PGAP6: variants seen among roughly 807,000 people sequenced by gnomAD.
PGAP6 encodes post-GPI attachment to proteins 6.
PGAP6 carries 62 observed loss-of-function variants against 68.4 expected under a neutral mutation model. The ratio of observed to expected loss-of-function variants is 0.91; its 90% CI spans 0.74 to 1.12. PGAP6 has a LOEUF of 1.12. Ranked by LOEUF, PGAP6 falls within the 50% of genes most tolerant of loss-of-function variation. PGAP6 has a pLI of 0.00. For missense variants in PGAP6, 1,188 were observed against 1,068.5 expected, an observed-to-expected ratio of 1.11 and a Z score of -1.56; for synonymous variants, 575 against 474.0, an observed-to-expected ratio of 1.21 and a Z score of -2.77.
intron 11 of PGAP6, 34 bp downstream of exon 11, chr16:373,971 C>G: frequency 6.4e-7 from 1 of 1,572,010 alleles, no homozygotes; most frequent in South Asian, 1.1e-5. Context: ...CCCTGCTCCC[C>G]CGGAGCCCAC....
upstream of PGAP6, among the ~76,000 whole-genome samples, chr16:385,243 G>A (rs932352959): frequency 2.0e-5 from 3 of 151,124 alleles, no homozygotes; most frequent in African/African-American, 7.3e-5. Flanking sequence ...AGAACTGCTT[G>A]TATTTGGAAA....
intron 11 of PGAP6, among the ~76,000 whole-genome samples, chr16:373,484 G>A (rs1380222899): frequency 1.2e-4 from 19 of 152,172 alleles, no homozygotes; most frequent in Non-Finnish European, 2.1e-4. Flanking sequence ...CAAACAGCTG[G>A]CACTGCCCCC....
At position 372,235 on chromosome 16, in the gene PGAP6, G is replaced by A. The variant is rs750775225; in HGVS notation, c.2068C>T (p.Arg690Cys). The A allele has an allele frequency of 5.6e-6, 9 of 1,612,170 alleles. No homozygotes were observed. The Admixed American group carries it at 8.3e-5, about 15-fold the overall frequency. Residue 690 changes from arginine to cysteine, a missense_variant, in exon 13 of 13, where the codon CGC becomes TGC. Arg to Cys is a radical substitution (Grantham distance 180). Coordinates refer to ENST00000431232, the MANE Select transcript of PGAP6 (RefSeq NM_021259.3). ...CCGGGCAGGAGGTAGAAGGCCCAGCGCTGCCACGAGGTGGGGTAGCACTGG... is the reference window on the plus strand; with the variant it reads ...CCGGGCAGGAGGTAGAAGGCCCAGCACTGCCACGAGGTGGGGTAGCACTGG... ...RRQCYPTSWQ[R>C]WAFYLLPGVS... is the part of the protein sequence containing the mutation.
In PGAP6 at chr16:376,820, G is replaced by A. The variant is rs750048118; in HGVS notation, c.636-8C>T. 40 of 1,602,734 alleles carry A rather than the reference G, an allele frequency of 2.5e-5. No individual in the cohort carries two copies. Among genetic ancestry groups the A allele is most frequent in the Admixed American group, 8.3e-5 (5 of 59,962 alleles). On this transcript the variant is annotated splice_region_variant and splice_polypyrimidine_tract_variant and intron_variant, in intron 4 of 12. Transcript: ENST00000431232. ...TAATCGGGGACAAAGACCCTGCAGC[G>A]AGGGGACACAGCTGGCTCAGGCTCT...
At chr16:374,979 G>A in intron 8 of PGAP6, 87 bp from the exon 9 acceptor site, 2 of 1,594,852 alleles carry the variant, frequency 1.3e-6, no homozygotes, top group South Asian at 2.3e-5. Flanking sequence ...ACAGACATGA[G>A]AACGCAGCAT....
chr16:376,044 G>A, intron 6 of PGAP6, 92 bp downstream of exon 6: 2 of 1,313,956 alleles, frequency 1.5e-6, no homozygotes, highest in East Asian at 2.5e-5. Context: ...TGTGCCGCCT[G>A]TCCCGTGCCA....
intron 9 of PGAP6, 104 bp downstream of exon 9, chr16:374,652 T>C (rs934125341): frequency 1.2e-5 from 17 of 1,464,772 alleles, no homozygotes; most frequent in Non-Finnish European, 1.5e-5. Flanking sequence ...TCTGCAAGGG[T>C]CTCTCTCCAG....
At chr16:374,956 T>A (rs2054368151) in intron 8 of PGAP6, 64 bp from the exon 9 acceptor site, 4 of 1,606,138 alleles carry the variant, frequency 2.5e-6, no homozygotes, top group Non-Finnish European at 3.4e-6. Context: ...CCACCAGCGC[T>A]CCCAACAGGC....
At chr16:376,052 C>T in intron 6 of PGAP6, 84 bp downstream of exon 6, 1 of 1,379,918 alleles carries the variant, frequency 7.2e-7, no homozygotes, top group Non-Finnish European at 9.7e-7. Flanking sequence ...CTGTCCCGTG[C>T]CAAGGTAAAT....
At position 381,732 on chromosome 16, in the gene PGAP6, C is replaced by A. The variant is rs1388727620; in HGVS notation, c.90G>T (p.Pro30=). The part of the protein sequence containing the change: ...PLLLLLLARP[P]PASAGYSGKS... ...TCCCGCTGTAGCCGGCGGAGGCAGG[C>A]GGGGGCCGGGCAAGCAGCAGCAGCA... Residue 30 remains proline, a synonymous_variant, in exon 1 of 13, where the codon CCG becomes CCT. Coordinates refer to ENST00000431232, the MANE Select transcript of PGAP6 (RefSeq NM_021259.3). 4.6e-5 allele frequency: 56 copies of A among 1,212,632 alleles called. No homozygotes were observed. Among genetic ancestry groups the A allele is most frequent in the Non-Finnish European group, 5.4e-5 (53 of 974,452 alleles). The allele number at this position is 1,212,632 out of a possible 1,614,324, so 75.1% of individuals were successfully genotyped here.
Position 376,588 on chromosome 16 carries a change from C to A in PGAP6, c.860G>T (p.Gly287Val). The change falls in exon 5 of 13, where the codon GGG becomes GTG. Residue 287 changes from glycine (G) to valine (V), a missense_variant. Gly to Val is a moderately radical substitution (Grantham distance 109). Coordinates refer to ENST00000431232, the MANE Select transcript of PGAP6 (RefSeq NM_021259.3). ...WLQVTAESLV[G>V]PLGTVAFSAV... Reference sequence around the variant, plus strand: ...ACTGAAAGCCACTGTCCCGAGGGGCCCCACCAGGCTCTCAGCTGTCACTTG... The same window carrying A: ...ACTGAAAGCCACTGTCCCGAGGGGCACCACCAGGCTCTCAGCTGTCACTTG... 6.3e-7 allele frequency: 1 copy of A among 1,578,082 alleles called. No homozygotes were observed. Among genetic ancestry groups the A allele is most frequent in the Non-Finnish European group, 8.6e-7 (1 of 1,161,794 alleles).
chr16:382,126 G>A (rs1262562509), upstream of PGAP6: 1 of 372,456 alleles, frequency 2.7e-6, no homozygotes, highest in South Asian at 1.3e-4. Flanking sequence ...GCGGGGGACG[G>A]ACCGGGGCGC....
chr16:372,761 C>A, intron 11 of PGAP6, 34 bp from the exon 12 acceptor site: 1 of 1,514,048 alleles, frequency 6.6e-7, no homozygotes, highest in South Asian at 1.2e-5. Flanking sequence ...GCAGGGACGT[C>A]TCTGAGGGCT....
At position 374,297 on chromosome 16, in the gene PGAP6, G is replaced by A. The variant is rs762388950; in HGVS notation, c.1679C>T (p.Ala560Val). The A allele has an allele frequency of 1.2e-6, 2 of 1,606,486 alleles. No individual in the cohort carries two copies. The highest frequency in any genetic ancestry group is 1.7e-5 in the Admixed American group (1 of 59,978). The change falls in exon 10 of 13, where the codon GCC (alanine) becomes GTC (valine). Residue 560 changes from alanine to valine, a missense_variant. Physicochemically the swap from Ala to Val is moderately conservative, Grantham distance 64. Coordinates refer to ENST00000431232, the MANE Select transcript of PGAP6 (RefSeq NM_021259.3). Reference protein sequence around the residue: ...LLTLSNLMFLAPIAVSVRRFF... With the variant: ...LLTLSNLMFLVPIAVSVRRFF... ...TCGCCGCACTGAGACGGCGATGGGGGCCAGGAACATGAGGTTGCTGAGCGT... is the reference window on the plus strand; with the variant it reads ...TCGCCGCACTGAGACGGCGATGGGGACCAGGAACATGAGGTTGCTGAGCGT...
At position 375,152 on chromosome 16, in the gene PGAP6, T is replaced by C; in HGVS notation, c.1420A>G (p.Met474Val). 1.2e-6 allele frequency: 2 copies of C among 1,613,378 alleles called. No homozygotes were observed. Among genetic ancestry groups the C allele is most frequent in the East Asian group, 2.2e-5 (1 of 44,880 alleles). The change falls in exon 8 of 13, where the codon ATG (methionine) becomes GTG (valine). Residue 474 changes from methionine to valine, a missense_variant. Physicochemically the swap from Met to Val is conservative, Grantham distance 21. Coordinates refer to ENST00000431232, the MANE Select transcript of PGAP6 (RefSeq NM_021259.3). Reference sequence around the variant, plus strand: ...ACTTACTCAGCATTCTCAGGGCACATGAGCTGCAGGGAGAGGTACCAGTTG... The same window carrying C: ...ACTTACTCAGCATTCTCAGGGCACACGAGCTGCAGGGAGAGGTACCAGTTG... ...TDNWYLSLQLMCPENAEDCEQ... is the reference protein window; with the variant it reads ...TDNWYLSLQLVCPENAEDCEQ...
intron 3 of PGAP6, 85 bp from the exon 4 acceptor site, chr16:377,249 A>T (rs1159656788): frequency 1.9e-5 from 30 of 1,599,314 alleles, no homozygotes; most frequent in Non-Finnish European, 2.5e-5. Context: ...CCCGGCATGC[A>T]GGGAGCAGGG....
At chr16:374,552 A>AC (rs2054363853) in intron 9 of PGAP6, among the ~76,000 whole-genome samples, 153 bp from the exon 10 acceptor site, 1 of 151,786 alleles carries the variant, frequency 6.6e-6, no homozygotes, top group East Asian at 1.9e-4. Flanking sequence ...AGGCAGTACC[A>AC]CCCCCCGGGG....
In PGAP6 at chr16:374,243, G is replaced by T; in HGVS notation, c.1733C>A (p.Ala578Asp). The T allele has an allele frequency of 6.2e-7, 1 of 1,608,918 alleles. No individual in the cohort carries two copies. The highest frequency in any genetic ancestry group is 8.5e-7 in the Non-Finnish European group (1 of 1,179,408). The change falls in exon 10 of 13, where the codon GCC becomes GAC. Residue 578 changes from alanine (A) to aspartate (D), a missense_variant. By Grantham distance (126) the Ala-to-Asp change is moderately radical (BLOSUM62 -2). Transcript: ENST00000431232. ...TACCGTGGAGAAGAACATGGTGTAG[G>T]CGTAGACGGAGGCCTCCACCAGGAA... ...RFFLVEASVYAYTMFFSTFYH... is the reference protein window; with the variant it reads ...RFFLVEASVYDYTMFFSTFYH...
upstream of PGAP6, chr16:386,578 A>G (rs990235027): frequency 9.3e-5 from 31 of 332,074 alleles, no homozygotes; most frequent in Non-Finnish European, 3.4e-5. Context: ...CCCAGACATC[A>G]GAGTTTCACA....
Sources: gnomAD v4.1 joint callset for allele counts (sites outside exome capture counted in the v4.1 genomes callset) on GRCh38, gnomAD v4.1.1 for gene constraint, MANE v1.5 for transcripts, NCBI Gene and HGNC (gene_info 2026-07-23, HGNC 2026-07-21) for gene names.